The following MCC variants were observed in gnomAD, a reference collection of about 807,000 sequenced individuals.
MCC encodes MCC regulator of Wnt signaling pathway, also known as colorectal mutant cancer protein.
In MCC, 90 loss-of-function variants were observed where a neutral mutation model predicts 116.2. The ratio of observed to expected loss-of-function variants is 0.77; its 90% CI spans 0.65 to 0.92. The LOEUF (loss-of-function observed/expected upper bound fraction) is 0.92. Among genes scored for constraint, MCC ranks in the 40% least tolerant of loss-of-function variants. MCC has a pLI of 0.00. For missense variants in MCC, 1,516 were observed against 1,312.2 expected, an observed-to-expected ratio of 1.16 and a Z score of -2.40; for synonymous variants, 578 against 510.5, an observed-to-expected ratio of 1.13 and a Z score of -1.78.
Position 113,053,714 on chromosome 5 carries a change from C to T in MCC, c.2448+11G>A, listed in dbSNP as rs1242606521. 1.9e-6 allele frequency: 3 copies of T among 1,591,572 alleles called. No individual in the cohort carries two copies. In the South Asian group the frequency reaches 3.3e-5, roughly 18 times the overall value. ...TGGCAGCCTAGCACATGGGACCCAC[C>T]CACCACATACCTTCATGGCCATGAG... On this transcript the variant is annotated intron_variant, in intron 15 of 18. Coordinates refer to ENST00000408903, the MANE Select transcript of MCC (RefSeq NM_001085377.2).
chr5:113,360,072 G>A (rs1768508338), intron 2 of MCC, among the ~76,000 whole-genome samples: 2 of 152,070 alleles, frequency 1.3e-5, no homozygotes, highest in Admixed American at 1.3e-4. Flanking sequence ...CCTGCTCCCT[G>A]CCATGAAAAG....
intron 5 of MCC, among the ~76,000 whole-genome samples, chr5:113,130,272 T>C (rs1328673825): frequency 1.3e-5 from 2 of 151,780 alleles, no homozygotes; most frequent in Non-Finnish European, 2.9e-5. Context: ...CACTTATAAG[T>C]GGAAGTTAAA....
intron 3 of MCC, among the ~76,000 whole-genome samples, chr5:113,170,883 T>C (rs539503119): frequency 5.3e-5 from 8 of 152,132 alleles, no homozygotes; most frequent in Non-Finnish European, 8.8e-5. Flanking sequence ...TATTGCCAGA[T>C]GGCTGGCAAT....
At chr5:113,279,674 G>A (rs1397511765) in intron 3 of MCC, among the ~76,000 whole-genome samples, 1 of 152,182 alleles carries the variant, frequency 6.6e-6, no homozygotes, top group African/African-American at 2.4e-5. Flanking sequence ...AAGAAACCTT[G>A]ATAAGTCCAG....
intron 16 of MCC, among the ~76,000 whole-genome samples, chr5:113,048,053 G>A (rs1752229935): frequency 6.6e-6 from 1 of 152,168 alleles, no homozygotes; most frequent in Non-Finnish European, 1.5e-5. Flanking sequence ...GCCCGTTAGT[G>A]GATCTGGGCT....
intron 12 of MCC, 33 bp from the exon 13 acceptor site, chr5:113,068,216 C>A: frequency 6.5e-7 from 1 of 1,546,960 alleles, no homozygotes; most frequent in Non-Finnish European, 8.9e-7. Context: ...TCAGCCCTTG[C>A]AGAGAACAGC....
chr5:113,197,131 T>C (rs1209083114), intron 3 of MCC, among the ~76,000 whole-genome samples: 2 of 152,196 alleles, frequency 1.3e-5, no homozygotes, highest in Non-Finnish European at 2.9e-5. Flanking sequence ...TGTGGTGGGC[T>C]GGGGGGTCCG....
At chr5:113,155,868 A>G (rs964726076) in intron 3 of MCC, among the ~76,000 whole-genome samples, 1 of 152,230 alleles carries the variant, frequency 6.6e-6, no homozygotes, top group East Asian at 1.9e-4. Flanking sequence ...AAAATATTCC[A>G]GTTCCCATCC....
At chr5:113,273,033 T>C (rs1765673842) in intron 3 of MCC, among the ~76,000 whole-genome samples, 1 of 152,248 alleles carries the variant, frequency 6.6e-6, no homozygotes, top group Admixed American at 6.5e-5. Flanking sequence ...TACTTATTAC[T>C]ATTTCACTAT....
At chr5:113,203,905 A>C (rs956525092) in intron 3 of MCC, among the ~76,000 whole-genome samples, 1 of 152,212 alleles carries the variant, frequency 6.6e-6, no homozygotes, top group African/African-American at 2.4e-5. Flanking sequence ...AAAAGTCACC[A>C]AGATTGGTCC....
chr5:113,292,774 G>A (rs772894057), intron 3 of MCC, among the ~76,000 whole-genome samples: 1 of 152,286 alleles, frequency 6.6e-6, no homozygotes, highest in Non-Finnish European at 1.5e-5. Context: ...TAGAAACATC[G>A]TGAAGGGCCT....
intron 13 of MCC, among the ~76,000 whole-genome samples, chr5:113,067,108 T>C (rs1211758946): frequency 6.6e-6 from 1 of 152,178 alleles, no homozygotes; most frequent in Admixed American, 6.6e-5. Context: ...TAGAATGACA[T>C]GCTTGTGTCC....
chr5:113,145,448 T>C (rs1759437976), intron 4 of MCC, among the ~76,000 whole-genome samples: 1 of 152,162 alleles, frequency 6.6e-6, no homozygotes, highest in Non-Finnish European at 1.5e-5. Flanking sequence ...GCTCTCACTT[T>C]CCCTTATTTC....
chr5:113,055,821 G>A (rs926677814), intron 14 of MCC, among the ~76,000 whole-genome samples: 9 of 152,296 alleles, frequency 5.9e-5, no homozygotes, highest in African/African-American at 9.6e-5. Flanking sequence ...AGAGACTACA[G>A]GGAGACTGTT....
At chr5:113,355,270 C>G (rs1189063445) in intron 2 of MCC, among the ~76,000 whole-genome samples, 2 of 152,176 alleles carry the variant, frequency 1.3e-5, no homozygotes, top group East Asian at 3.9e-4. Flanking sequence ...CTAGAGGATA[C>G]TCTTGGGTTT....
chr5:113,028,202 C>G (rs893546943), intron 18 of MCC, among the ~76,000 whole-genome samples: 17 of 152,180 alleles, frequency 1.1e-4, no homozygotes, highest in African/African-American at 4.1e-4. Flanking sequence ...TTATTTCCAA[C>G]TATAGAGCTG....
At chr5:113,189,264 T>C (rs1762040648) in intron 3 of MCC, among the ~76,000 whole-genome samples, 1 of 152,160 alleles carries the variant, frequency 6.6e-6, no homozygotes, top group Non-Finnish European at 1.5e-5. Flanking sequence ...CCTTAAACAG[T>C]GAGACTCTCA....
chr5:113,087,180 T>G (rs979279223), intron 8 of MCC, among the ~76,000 whole-genome samples: 10 of 152,348 alleles, frequency 6.6e-5, no homozygotes, highest in African/African-American at 2.4e-4. Context: ...GATGTCTCCA[T>G]CCTGCTAACT....
At chr5:113,218,431 G>T (rs1029023308) in intron 3 of MCC, among the ~76,000 whole-genome samples, 2 of 152,096 alleles carry the variant, frequency 1.3e-5, no homozygotes, top group African/African-American at 4.8e-5. Flanking sequence ...TCTCCTCCTT[G>T]TTCCTGACAT....
Sources: allele counts gnomAD v4.1 joint callset (sites outside exome capture counted in the v4.1 genomes callset), GRCh38; gene constraint gnomAD v4.1.1; transcripts MANE v1.5; gene names NCBI Gene and HGNC (gene_info 2026-07-23, HGNC 2026-07-21).